The following DMXL2 variants were observed in gnomAD, a reference collection of about 807,000 sequenced individuals.
The protein encoded by DMXL2 is Dmx like 2.
Under a neutral mutation model 331.1 loss-of-function variants are expected in DMXL2, and 103 were observed. The ratio of observed to expected loss-of-function variants is 0.31; its 90% CI spans 0.27 to 0.37. DMXL2 has a LOEUF of 0.37. Among genes scored for constraint, DMXL2 ranks in the 10% least tolerant of loss-of-function variants. The pLI, the probability that DMXL2 is intolerant of heterozygous loss-of-function variation, is 1.00. For synonymous variants in DMXL2, 1,281 were observed against 1,252.1 expected, an observed-to-expected ratio of 1.02 and a Z score of -0.49; for missense variants, 3,171 against 3,642.9, an observed-to-expected ratio of 0.87 and a Z score of 3.33.
chr15:51,530,206 A>G (rs917706009), intron 13 of DMXL2, among the ~76,000 whole-genome samples: 2 of 152,130 alleles, frequency 1.3e-5, no homozygotes, highest in African/African-American at 2.4e-5. Flanking sequence ...CTGTTATTCA[A>G]CGTAGTACGG....
chr15:51,481,064 G>A lies in DMXL2; in HGVS notation c.6042C>T (p.Ala2014=). 1 of 1,614,070 alleles carries A rather than the reference G, an allele frequency of 6.2e-7. No homozygotes were observed. Among genetic ancestry groups the A allele is most frequent in the Non-Finnish European group, 8.5e-7 (1 of 1,179,990 alleles). ...GTGTTAATAACATGTTAGGGTCTGA[G>A]GCCTTCTGATCTGATTGTTTATCTT... The part of the protein sequence containing the change: ...REKDKQSDQK[A]SDPNMLLTPQ... The change falls in exon 24 of 44, where the codon GCC becomes GCT. Residue 2014 remains alanine (A), a synonymous_variant. Transcript: ENST00000560891.
intron 16 of DMXL2, among the ~76,000 whole-genome samples, chr15:51,504,032 A>T (rs997404851): frequency 6.6e-6 from 1 of 152,178 alleles, no homozygotes; most frequent in Non-Finnish European, 1.5e-5. Flanking sequence ...CCCCTTATAC[A>T]GTCCAGTGCT....
intron 1 of DMXL2, among the ~76,000 whole-genome samples, chr15:51,615,734 T>G: frequency 6.6e-6 from 1 of 152,204 alleles, no homozygotes; most frequent in East Asian, 1.9e-4. Context: ...TCCTGCTGAT[T>G]AGATCCTCTT....
chr15:51,534,874 C>T (rs1338504369), intron 13 of DMXL2, among the ~76,000 whole-genome samples: 2 of 152,154 alleles, frequency 1.3e-5, no homozygotes, highest in Admixed American at 1.3e-4. Context: ...AATCTGATCT[C>T]TCTCTCTCCT....
At chr15:51,619,484 A>T (rs1384882257) in intron 1 of DMXL2, among the ~76,000 whole-genome samples, 1 of 152,242 alleles carries the variant, frequency 6.6e-6, no homozygotes, top group Non-Finnish European at 1.5e-5. Flanking sequence ...GAGATTGTCC[A>T]CTACAGACTG....
In DMXL2 at chr15:51,480,863, A is replaced by T; in HGVS notation, c.6243T>A (p.Ile2081=). Residue 2081 remains isoleucine, a synonymous_variant, in exon 24 of 44, where the codon ATT becomes ATA. Transcript: ENST00000560891. Reference sequence around the variant, plus strand: ...GATTACATATCTCATGCAAGGCAGCAATTTCCTTTTCAAGCCAGTTATAGA... The same window carrying T: ...GATTACATATCTCATGCAAGGCAGCTATTTCCTTTTCAAGCCAGTTATAGA... ...FQLYNWLEKE[I]AALHEICNHE... The T allele has an allele frequency of 6.2e-7, 1 of 1,613,142 alleles. No individual in the cohort carries two copies. The highest frequency in any genetic ancestry group is 8.5e-7 in the Non-Finnish European group (1 of 1,179,626).
At chr15:51,590,180 G>A (rs2052185350) in intron 1 of DMXL2, among the ~76,000 whole-genome samples, 1 of 152,224 alleles carries the variant, frequency 6.6e-6, no homozygotes. Context: ...AGCAAGCTAT[G>A]ATGTGGTCTG....
intron 3 of DMXL2, among the ~76,000 whole-genome samples, chr15:51,566,492 G>A (rs2050300358): frequency 6.6e-6 from 1 of 151,992 alleles, no homozygotes; most frequent in South Asian, 2.1e-4. Flanking sequence ...GTTCCTCAGA[G>A]TGCAATCTGT....
rs1050554135 is a variant in DMXL2 at position 51,486,809 on chromosome 15, T to G, written c.5218-472A>C. 2.0e-5 allele frequency among the ~76,000 whole-genome samples: 3 copies of G among 152,326 alleles called. No homozygotes were observed. The South Asian group carries it at 6.2e-4, about 32-fold the overall frequency. Reference sequence around the variant, plus strand: ...TGTATTCTAATGCAACTACCAGTTCTGAGCATTTGAGGTCATTTAGGCAAT... The same window carrying G: ...TGTATTCTAATGCAACTACCAGTTCGGAGCATTTGAGGTCATTTAGGCAAT... On this transcript the variant is annotated intron_variant, in intron 22 of 43. Coordinates refer to ENST00000560891, the MANE Select transcript of DMXL2 (RefSeq NM_001378457.1).
intron 1 of DMXL2, among the ~76,000 whole-genome samples, chr15:51,589,275 C>A (rs1223671658): frequency 1.3e-5 from 2 of 152,142 alleles, no homozygotes; most frequent in Admixed American, 6.5e-5. Context: ...GTTTCAGAAG[C>A]AAATAGATCA....
At chr15:51,611,658 C>A (rs2053978601) in intron 1 of DMXL2, among the ~76,000 whole-genome samples, 1 of 152,170 alleles carries the variant, frequency 6.6e-6, no homozygotes, top group African/African-American at 2.4e-5. Context: ...AACTAGGTGG[C>A]CTTCATTAAA....
At chr15:51,520,400 A>T (rs1182155782) in intron 13 of DMXL2, among the ~76,000 whole-genome samples, 1 of 152,238 alleles carries the variant, frequency 6.6e-6, no homozygotes, top group African/African-American at 2.4e-5. Context: ...TTAAAATAAT[A>T]TGTATACTTT....
At chr15:51,566,968 TGG>T in intron 3 of DMXL2, 1 of 152,016 alleles carries the variant, frequency 6.6e-6, no homozygotes, top group Non-Finnish European at 1.5e-5. Flanking sequence ...TTAGCTGAGC[TGG>T]TAAGTGAGCT....
intron 33 of DMXL2, chr15:51,460,020 A>G (rs2140242226): frequency 1.0e-6 from 1 of 982,132 alleles, no homozygotes; most frequent in South Asian, 4.7e-5. Context: ...TTCCTGCCCT[A>G]TAGGGGTTGA....
At chr15:51,469,573 G>C (rs1350780907) in intron 29 of DMXL2, among the ~76,000 whole-genome samples, 1 of 152,166 alleles carries the variant, frequency 6.6e-6, no homozygotes, top group Non-Finnish European at 1.5e-5. Flanking sequence ...TTGTTGCACA[G>C]ATGAGTGCTA....
intron 6 of DMXL2, among the ~76,000 whole-genome samples, chr15:51,561,922 A>T (rs2049995531): frequency 6.6e-6 from 1 of 152,240 alleles, no homozygotes; most frequent in African/African-American, 2.4e-5. Context: ...ACATGAAATA[A>T]GACAAGCACA....
chr15:51,622,740 C>G lies in DMXL2; in HGVS notation c.-195G>C. On this transcript the variant is annotated 5_prime_UTR_variant, in exon 1 of 44. Transcript: ENST00000560891. Reference sequence around the variant, plus strand: ...GCCATGGGAGCTCCTCGACCGCCGCCGCCGCCCGGGTCGCCGCTCAGCTGC... The same window carrying G: ...GCCATGGGAGCTCCTCGACCGCCGCGGCCGCCCGGGTCGCCGCTCAGCTGC... 9.2e-7 allele frequency: 1 copy of G among 1,089,980 alleles called. No individual in the cohort carries two copies. The highest frequency in any genetic ancestry group is 1.3e-6 in the Non-Finnish European group (1 of 795,982). The allele number at this position is 1,089,980 out of a possible 1,614,324, so 67.5% of individuals were successfully genotyped here. A position where few individuals can be genotyped will look rare whatever the true frequency, so the allele number is the denominator to read the frequency against.
chr15:51,465,684 T>C, intron 30 of DMXL2, 33 bp from the exon 31 acceptor site: 1 of 1,448,548 alleles, frequency 6.9e-7, no homozygotes, highest in African/African-American at 1.5e-5. Flanking sequence ...AGTCTTTAAG[T>C]GAAAAATAAA....
intron 2 of DMXL2, among the ~76,000 whole-genome samples, chr15:51,574,756 G>A (rs1595579117): frequency 6.6e-6 from 1 of 152,174 alleles, no homozygotes; most frequent in East Asian, 1.9e-4. Context: ...ACCATCTCAA[G>A]AAAAGTAGAA....
Sources: allele counts gnomAD v4.1 joint callset (sites outside exome capture counted in the v4.1 genomes callset), GRCh38; gene constraint gnomAD v4.1.1; transcripts MANE v1.5; gene names NCBI Gene and HGNC (gene_info 2026-07-23, HGNC 2026-07-21).